Variants in AKAP19 observed in about 807,000 individuals in gnomAD.
AKAP19 encodes the protein small A-kinase anchoring protein.
the AKAP19 span, among the ~76,000 whole-genome samples, chr2:189,912,316 G>A: frequency 2.0e-5 from 3 of 152,028 alleles, no homozygotes; most frequent in Non-Finnish European, 4.4e-5. Flanking sequence ...CGAGGTGGGT[G>A]GATCACTTGA....
the AKAP19 span, chr2:190,199,744 AGTGCCCT>A: frequency 6.6e-7 from 1 of 1,507,854 alleles, no homozygotes; most frequent in Non-Finnish European, 8.8e-7. Flanking sequence ...TGATTACTGA[AGTGCCCT>A]GGAGAGGGAA....
chr2:190,124,254 G>C, the AKAP19 span, among the ~76,000 whole-genome samples: 3 of 152,206 alleles, frequency 2.0e-5, no homozygotes, highest in African/African-American at 7.2e-5. Flanking sequence ...TATGTTCTGA[G>C]AAATGCATTG....
At chr2:190,164,864 G>A in the AKAP19 span, among the ~76,000 whole-genome samples, 1 of 152,194 alleles carries the variant, frequency 6.6e-6, no homozygotes, top group African/African-American at 2.4e-5. Context: ...GGCATTTCCA[G>A]TTTGGGAGCT....
At chr2:189,968,676 GAAAA>G in the AKAP19 span, among the ~76,000 whole-genome samples, 7 of 151,994 alleles carry the variant, frequency 4.6e-5, no homozygotes, top group Non-Finnish European at 7.4e-5. Context: ...GTAGAAGAAT[GAAAA>G]AAGAAAAATT....
the AKAP19 span, among the ~76,000 whole-genome samples, chr2:189,989,660 C>G: frequency 6.6e-6 from 1 of 152,070 alleles, no homozygotes; most frequent in Middle Eastern, 3.4e-3. Context: ...AATAATACAA[C>G]TATGACAAAT....
chr2:190,188,787 T>TC, the AKAP19 span, among the ~76,000 whole-genome samples: 2 of 152,204 alleles, frequency 1.3e-5, no homozygotes, highest in Non-Finnish European at 2.9e-5. Context: ...AACTTTTTTT[T>TC]CCCTCTTGGC....
At chr2:190,024,511 T>C in the AKAP19 span, among the ~76,000 whole-genome samples, 2 of 151,924 alleles carry the variant, frequency 1.3e-5, no homozygotes, top group African/African-American at 4.8e-5. Context: ...TGGGCACAAA[T>C]CCTATACAAT....
At chr2:190,190,338 A>G in the AKAP19 span, among the ~76,000 whole-genome samples, 15 of 152,148 alleles carry the variant, frequency 9.9e-5, no homozygotes, top group Non-Finnish European at 1.9e-4. Context: ...ATCTGGCTCA[A>G]CATGTCTGAG....
chr2:190,091,342 T>C, the AKAP19 span, among the ~76,000 whole-genome samples: 1 of 152,168 alleles, frequency 6.6e-6, no homozygotes, highest in South Asian at 2.1e-4. Context: ...GTTTGACACA[T>C]ATGAATTTAT....
At chr2:190,192,367 A>G in the AKAP19 span, among the ~76,000 whole-genome samples, 2 of 151,914 alleles carry the variant, frequency 1.3e-5, no homozygotes, top group Admixed American at 1.3e-4. Flanking sequence ...TCTTAACATT[A>G]GATAATAGGA....
At chr2:189,940,890 C>A in the AKAP19 span, among the ~76,000 whole-genome samples, 22 of 148,626 alleles carry the variant, frequency 1.5e-4, no homozygotes, top group Non-Finnish European at 3.3e-4. Context: ...GACTCCGTCT[C>A]AAAAAAAAAA....
At chr2:190,180,986 C>T in the AKAP19 span, 6 of 985,556 alleles carry the variant, frequency 6.1e-6, no homozygotes, top group African/African-American at 8.7e-5. This position sits in a 1 kb window ranked among gnomAD's most constrained non-coding sequence, Gnocchi z 6.8. Context: ...GCAAGCCCCC[C>T]TCCCACGACA....
chr2:190,174,118 C>T, the AKAP19 span, among the ~76,000 whole-genome samples: 2 of 152,182 alleles, frequency 1.3e-5, no homozygotes, highest in African/African-American at 2.4e-5. Context: ...GTGGTCCAAC[C>T]CTAGCCAATA....
chr2:190,179,628 A>C, the AKAP19 span, among the ~76,000 whole-genome samples: 20,915 of 152,118 alleles, frequency 0.14, 3,313 homozygotes, highest in African/African-American at 0.38. This position sits in a 1 kb window ranked among gnomAD's most constrained non-coding sequence, Gnocchi z 6.0. Context: ...AGATTCTGGG[A>C]TAGATTTTTG....
At chr2:190,145,262 G>T in the AKAP19 span, among the ~76,000 whole-genome samples, 1 of 152,198 alleles carries the variant, frequency 6.6e-6, no homozygotes, top group Non-Finnish European at 1.5e-5. Flanking sequence ...GTGAGACCTT[G>T]TTCCAGAGAT....
At chr2:190,130,750 A>G in the AKAP19 span, among the ~76,000 whole-genome samples, 1 of 152,220 alleles carries the variant, frequency 6.6e-6, no homozygotes, top group African/African-American at 2.4e-5. Flanking sequence ...CAAGTTTATC[A>G]TAAGGTACAA....
chr2:189,964,047 G>A, the AKAP19 span, among the ~76,000 whole-genome samples: 3 of 152,158 alleles, frequency 2.0e-5, no homozygotes, highest in Admixed American at 1.3e-4. Context: ...AGCCACCAAA[G>A]CTGGCTTTAA....
At chr2:190,054,370 C>T in the AKAP19 span, among the ~76,000 whole-genome samples, 1 of 152,006 alleles carries the variant, frequency 6.6e-6, no homozygotes, top group Admixed American at 6.6e-5. Context: ...AATGTTAGAC[C>T]TAAAACCATA....
chr2:190,034,690 C>CA, the AKAP19 span, among the ~76,000 whole-genome samples: 3 of 150,738 alleles, frequency 2.0e-5, no homozygotes, highest in African/African-American at 7.3e-5. Flanking sequence ...ACTAAAAATA[C>CA]AAAAAATTAG....
Sources: gnomAD v4.1 joint callset for allele counts (sites outside exome capture counted in the v4.1 genomes callset) on GRCh38, gnomAD v4.1.1 for gene constraint, Gnocchi (gnomAD v3.1) non-coding constraint, MANE v1.5 for transcripts, NCBI Gene and HGNC (gene_info 2026-07-23, HGNC 2026-07-21) for gene names.